Variants in KCNN4 observed in about 807,000 individuals in gnomAD.
KCNN4 encodes the protein potassium calcium-activated channel subfamily N member 4, also known as intermediate conductance calcium-activated potassium channel protein 4.
Under a neutral mutation model 45.2 loss-of-function variants are expected in KCNN4, and 31 were observed. That is an observed-to-expected ratio of 0.69 (90% CI 0.52 to 0.92). KCNN4 has a LOEUF of 0.92. Ranked by LOEUF, KCNN4 falls within the 40% of genes least tolerant of loss-of-function variation. The pLI, the probability that KCNN4 is intolerant of heterozygous loss-of-function variation, is 0.00. For missense variants in KCNN4, 463 were observed against 574.0 expected, an observed-to-expected ratio of 0.81 and a Z score of 1.98; for synonymous variants, 231 against 254.6, an observed-to-expected ratio of 0.91 and a Z score of 0.88.
At chr19:43,768,085 T>C (rs1599671057) in intron 7 of KCNN4, among the ~76,000 whole-genome samples, 2 of 152,392 alleles carry the variant, frequency 1.3e-5, no homozygotes, top group East Asian at 1.9e-4. Flanking sequence ...CATAGTCTTT[T>C]ACTGCATTCT....
Position 43,774,040 on chromosome 19 carries a change from G to A in KCNN4, c.683+152C>T. 2.4e-6 allele frequency: 2 copies of A among 820,440 alleles called. No homozygotes were observed. Among genetic ancestry groups the A allele is most frequent in the South Asian group, 3.7e-5 (2 of 54,784 alleles). 50.8% of individuals were successfully genotyped at this position (820,440 alleles called of 1,614,324 possible). A position where few individuals can be genotyped will look rare whatever the true frequency, so the allele number is the denominator to read the frequency against. On this transcript the variant is annotated intron_variant, in intron 3 of 8. Transcript: ENST00000648319. This position sits in a 1 kb window ranked among gnomAD's most constrained non-coding sequence, Gnocchi z 5.6. Reference sequence around the variant, plus strand: ...CTCACCCCAGTTGATGGGAGTGTGGGCAAATTTCAGCCAGCAAGAGGAGAA... The same window carrying A: ...CTCACCCCAGTTGATGGGAGTGTGGACAAATTTCAGCCAGCAAGAGGAGAA...
intron 1 of KCNN4, among the ~76,000 whole-genome samples, chr19:43,780,418 GACCCCA>G (rs1374132709): frequency 2.3e-5 from 2 of 85,900 alleles, no homozygotes; most frequent in African/African-American, 4.9e-5. Flanking sequence ...CAGGAGTCCA[GACCCCA>G]GCCCCTCCTC....
At position 43,773,222 on chromosome 19, in the gene KCNN4, G is replaced by A. The variant is rs140738992; in HGVS notation, c.683+970C>T. 4.0e-3 allele frequency among the ~76,000 whole-genome samples: 613 copies of A among 152,360 alleles called. 9 individuals are homozygous for A. Among genetic ancestry groups the A allele is most frequent in the African/African-American group, 0.014 (569 of 41,584 alleles). ...TGAGGCATGAGAATTGCTTGAAGCCGGGAGGCAGAGGTTGCAGGGAGCAGA... is the reference window on the plus strand; with the variant it reads ...TGAGGCATGAGAATTGCTTGAAGCCAGGAGGCAGAGGTTGCAGGGAGCAGA... On this transcript the variant is annotated intron_variant, in intron 3 of 8. Coordinates refer to ENST00000648319, the MANE Select transcript of KCNN4 (RefSeq NM_002250.3).
intron 3 of KCNN4, among the ~76,000 whole-genome samples, 198 bp downstream of exon 3, chr19:43,773,994 G>C (rs1969714933): frequency 6.6e-6 from 1 of 152,178 alleles, no homozygotes; most frequent in Non-Finnish European, 1.5e-5. Flanking sequence ...GGATTGGCTG[G>C]GGGCTTGTCT....
chr19:43,774,591 T>G lies in KCNN4; in HGVS notation c.284A>C (p.Asp95Ala). Residue 95 changes from aspartate to alanine, a missense_variant, in exon 3 of 9, where the codon GAC becomes GCC. Coordinates refer to ENST00000648319, the MANE Select transcript of KCNN4 (RefSeq NM_002250.3). This position sits in a 1 kb window ranked among gnomAD's most constrained non-coding sequence, Gnocchi z 5.6. ...CCGCCCGGTCAGCGCCACGCGCCAG[T>G]CCCGCAGCCCGTTGTCGGTCATGAA... Reference protein sequence around the residue: ...QLFMTDNGLRDWRVALTGRQA... With the variant: ...QLFMTDNGLRAWRVALTGRQA... The G allele has an allele frequency of 1.3e-6, 2 of 1,518,244 alleles. No individual in the cohort carries two copies. The highest frequency in any genetic ancestry group is 2.6e-5 in the South Asian group (2 of 77,750). 94.0% of individuals were successfully genotyped at this position (1,518,244 alleles called of 1,614,324 possible). A position where few individuals can be genotyped will look rare whatever the true frequency, so the allele number is the denominator to read the frequency against.
In KCNN4 at chr19:43,774,550, C is replaced by A; in HGVS notation, c.325G>T (p.Val109Leu). 1 of 1,571,076 alleles carries A rather than the reference C, an allele frequency of 6.4e-7. No individual in the cohort carries two copies. Among genetic ancestry groups the A allele is most frequent in the Non-Finnish European group, 8.6e-7 (1 of 1,166,100 alleles). Residue 109 changes from valine (V) to leucine (L), a missense_variant, in exon 3 of 9, where the codon GTG becomes TTG. Physicochemically the swap from Val to Leu is conservative, Grantham distance 32 (BLOSUM62 1). Around this residue, in one of 3 missense-constraint regions of KCNN4, gnomAD observed 225 missense variants for 240.9 expected, o/e 0.93. Coordinates refer to ENST00000648319, the MANE Select transcript of KCNN4 (RefSeq NM_002250.3). The surrounding 1 kb of genome is among the most constrained non-coding windows in gnomAD (Gnocchi z 5.6). ...AGCCCACACACCACCAGCTCCAGCA[C>A]GATCTGCGCCGCCTGCCGCCCGGTC... ...ALTGRQAAQI[V>L]LELVVCGLHP...
rs1468545839 is a variant in KCNN4, at chr19:43,780,800, T to C, written c.62A>G (p.Gln21Arg). 1.2e-6 allele frequency: 2 copies of C among 1,613,912 alleles called. No individual in the cohort carries two copies. The highest frequency in any genetic ancestry group is 1.1e-5 in the South Asian group (1 of 91,080). The change falls in exon 1 of 9, where the codon CAG becomes CGG. Residue 21 changes from glutamine (Q) to arginine (R), a missense_variant. Around this residue, in one of 3 missense-constraint regions of KCNN4, gnomAD observed 225 missense variants for 240.9 expected, o/e 0.93. Coordinates refer to ENST00000648319, the MANE Select transcript of KCNN4 (RefSeq NM_002250.3). ...TGCCCAGCCGGCCAGAGACTTCTCC[T>C]GCTCCAGCAAGCGCTTTCGGCGTCT... The part of the protein sequence containing the change: ...ALRRRKRLLE[Q>R]EKSLAGWALV...
Position 43,767,707 on chromosome 19 carries a change from T to C in KCNN4, c.1120A>G (p.Met374Val), listed in dbSNP as rs2146437620. ...TGCAGGTCATACAGGATCATGTGCATCTGGGTGGGAGGAGAGGATCAGAGG... is the reference window on the plus strand; with the variant it reads ...TGCAGGTCATACAGGATCATGTGCACCTGGGTGGGAGGAGAGGATCAGAGG... ...QVNSMVDISKMHMILYDLQQN... is the reference protein window; with the variant it reads ...QVNSMVDISKVHMILYDLQQN... Residue 374 changes from methionine (M) to valine (V), a missense_variant and splice_region_variant, in exon 8 of 9, where the codon ATG becomes GTG. Met to Val is a conservative substitution (Grantham distance 21). This residue lies in a region of KCNN4 where 129 missense variants were observed against 149.4 expected (regional missense o/e 0.86). Coordinates refer to ENST00000648319, the MANE Select transcript of KCNN4 (RefSeq NM_002250.3). The C allele has an allele frequency of 6.2e-7, 1 of 1,614,104 alleles. No homozygotes were observed. The highest frequency in any genetic ancestry group is 8.5e-7 in the Non-Finnish European group (1 of 1,180,006).
intron 1 of KCNN4, among the ~76,000 whole-genome samples, chr19:43,780,485 A>G (rs1969947503): frequency 9.3e-6 from 1 of 107,154 alleles, no homozygotes. Flanking sequence ...CAGACCCAGG[A>G]GTCCAGGCCC....
rs970060351 is a variant in KCNN4 at position 43,780,900 on chromosome 19, A to T, written c.-39T>A. On this transcript the variant is annotated 5_prime_UTR_variant, in exon 1 of 9. Transcript: ENST00000648319. ...TTGGGGCTCAGCCAGCTTCCTGCCC[A>T]GGGTCCCCCACCTCGCAGCACGCAC... 1.9e-6 allele frequency: 3 copies of T among 1,606,716 alleles called. No individual in the cohort carries two copies. Among genetic ancestry groups the T allele is most frequent in the Non-Finnish European group, 2.6e-6 (3 of 1,176,178 alleles).
In KCNN4 at chr19:43,780,820, G is replaced by T; in HGVS notation, c.42C>A (p.Arg14=). 1 of 1,613,958 alleles carries T rather than the reference G, an allele frequency of 6.2e-7. No individual in the cohort carries two copies. The highest frequency in any genetic ancestry group is 2.2e-5 in the East Asian group (1 of 44,864). The part of the protein sequence containing the change: ...DLVLGLGALR[R]RKRLLEQEKS... The stretch of plus-strand genomic sequence containing the variant: ...TCTCCTGCTCCAGCAAGCGCTTTCG[G>T]CGTCTCAAGGCCCCCAGGCCAAGCA... Residue 14 remains arginine, a synonymous_variant, in exon 1 of 9, where the codon CGC becomes CGA. Coordinates refer to ENST00000648319, the MANE Select transcript of KCNN4 (RefSeq NM_002250.3).
chr19:43,778,087 G>C (rs1259598514), intron 1 of KCNN4, among the ~76,000 whole-genome samples: 1 of 152,030 alleles, frequency 6.6e-6, no homozygotes, highest in Non-Finnish European at 1.5e-5. Flanking sequence ...ACTGCAATTT[G>C]CTTCTCTGGT....
At chr19:43,771,681 T>A (rs917012773) in intron 4 of KCNN4, among the ~76,000 whole-genome samples, 26 of 152,114 alleles carry the variant, frequency 1.7e-4, no homozygotes, top group Non-Finnish European at 3.7e-4. Flanking sequence ...TTCCTAGGTC[T>A]GATTTTTTAT....
intron 4 of KCNN4, among the ~76,000 whole-genome samples, chr19:43,770,929 C>G (rs750410375): frequency 1.3e-5 from 2 of 152,198 alleles, no homozygotes; most frequent in Non-Finnish European, 2.9e-5. Context: ...CTCTGCCCCT[C>G]TTCCCTTGCT....
intron 1 of KCNN4, among the ~76,000 whole-genome samples, chr19:43,777,920 G>T (rs893289080): frequency 2.6e-5 from 4 of 152,198 alleles, no homozygotes; most frequent in African/African-American, 9.6e-5. Flanking sequence ...AAGAGGGCCA[G>T]TTTCCTGCCC....
chr19:43,769,779 C>G lies in KCNN4; in HGVS notation c.870G>C (p.Glu290Asp), dbSNP rs755551516. The G allele has an allele frequency of 1.2e-6, 2 of 1,613,840 alleles. No homozygotes were observed. Among genetic ancestry groups the G allele is most frequent in the African/African-American group, 2.7e-5 (2 of 74,886 alleles). The part of the protein sequence containing the change: ...LLVAVVARKL[E>D]FNKAEKHVHN... ...GCACGTGCTTCTCTGCCTTGTTAAA[C>G]TCCAGCTTCCGGGCCACCACGGCCA... Residue 290 changes from glutamate to aspartate, a missense_variant, in exon 5 of 9, where the codon GAG becomes GAC. Around this residue, in one of 3 missense-constraint regions of KCNN4, gnomAD observed 109 missense variants for 183.7 expected, o/e 0.59. Coordinates refer to ENST00000648319, the MANE Select transcript of KCNN4 (RefSeq NM_002250.3). This position sits in a 1 kb window ranked among gnomAD's most constrained non-coding sequence, Gnocchi z 4.4.
chr19:43,779,232 C>A (rs1035616315), intron 1 of KCNN4, among the ~76,000 whole-genome samples: 2 of 152,144 alleles, frequency 1.3e-5, no homozygotes, highest in African/African-American at 4.8e-5. Context: ...GTAGGATGGA[C>A]CCCGTCTCTT....
Position 43,780,455 on chromosome 19 carries a change from A to G in KCNN4, c.159+248T>C, listed in dbSNP as rs34903428. Among the ~76,000 whole-genome samples the G allele has an allele frequency of 7.1e-3, 256 of 36,226 alleles. 9 individuals carry two copies. The highest frequency in any genetic ancestry group is 0.028 in the African/African-American group (239 of 8,446). The allele number at this position is 36,226 out of a possible 152,430, so 23.8% of individuals were successfully genotyped here. A position where few individuals can be genotyped will look rare whatever the true frequency, so the allele number is the denominator to read the frequency against. On this transcript the variant is annotated intron_variant, in intron 1 of 8. Coordinates refer to ENST00000648319, the MANE Select transcript of KCNN4 (RefSeq NM_002250.3). ...TCCTCCCTCAGACCCAGGAGTCCTG[A>G]CCCCCAGCCCCTCCTCCCTCAGACC...
rs1449042235 is a variant in KCNN4 at position 43,774,154 on chromosome 19, G to A, written c.683+38C>T. On this transcript the variant is annotated intron_variant, in intron 3 of 8. Coordinates refer to ENST00000648319, the MANE Select transcript of KCNN4 (RefSeq NM_002250.3). This position sits in a 1 kb window ranked among gnomAD's most constrained non-coding sequence, Gnocchi z 5.6. ...CAGGACGGCCGCCGTGGCTGTCCGG[G>A]GTTCCCCCCTGCGCATTTATGCCTC... 3.2e-6 allele frequency: 5 copies of A among 1,571,334 alleles called. No homozygotes were observed. The highest frequency in any genetic ancestry group is 4.3e-6 in the Non-Finnish European group (5 of 1,155,152).
Sources: gnomAD v4.1 joint callset for allele counts (sites outside exome capture counted in the v4.1 genomes callset) on GRCh38, gnomAD v4.1.1 for gene constraint, gnomAD v4.1.1 regional missense constraint, Gnocchi (gnomAD v3.1) non-coding constraint, MANE v1.5 for transcripts, NCBI Gene and HGNC (gene_info 2026-07-23, HGNC 2026-07-21) for gene names.